TENM2: variants seen among roughly 807,000 people sequenced by gnomAD.
TENM2 encodes teneurin transmembrane protein 2.
A neutral mutation model predicts 245.2 loss-of-function variants in TENM2; 52 were observed. That is an observed-to-expected ratio of 0.21 (90% CI 0.17 to 0.27). TENM2 has a LOEUF of 0.27. Among genes scored for constraint, TENM2 ranks in the 10% least tolerant of loss-of-function variants. TENM2 has a pLI of 1.00. For synonymous variants in TENM2, 1,363 were observed against 1,438.9 expected, an observed-to-expected ratio of 0.95 and a Z score of 1.19; for missense variants, 3,046 against 3,666.8, an observed-to-expected ratio of 0.83 and a Z score of 4.37.
At chr5:168,205,719 G>T (rs1762299868) in intron 19 of TENM2, among the ~76,000 whole-genome samples, 1 of 152,150 alleles carries the variant, frequency 6.6e-6, no homozygotes, top group African/African-American at 2.4e-5. Flanking sequence ...CTCAGGGAAG[G>T]GTACCTCAAT....
rs1189488684 is a variant in TENM2, at chr5:167,778,967, T to C, written c.503-97019T>C. Among the ~76,000 whole-genome samples, 3 of 152,348 alleles carry C rather than the reference T, an allele frequency of 2.0e-5. No homozygotes were observed. The East Asian group carries it at 5.8e-4, about 29-fold the overall frequency. ...TCTCTACTTAGCCCTTGGCTAATGG[T>C]GTAAGCAGCATTAACGCATATCAGG... On this transcript the variant is annotated intron_variant, in intron 2 of 28. Coordinates refer to ENST00000518659, the Ensembl canonical transcript of TENM2.
chr5:167,695,429 A>G (rs988178110), intron 2 of TENM2, among the ~76,000 whole-genome samples: 1 of 152,138 alleles, frequency 6.6e-6, no homozygotes, highest in Non-Finnish European at 1.5e-5. Flanking sequence ...TTTAGCCATT[A>G]AAAAAATATA....
intron 13 of TENM2, among the ~76,000 whole-genome samples, chr5:168,189,521 A>G (rs74709618): frequency 0.029 from 4,367 of 152,136 alleles, 183 homozygotes; most frequent in African/African-American, 0.098. Flanking sequence ...GTGCATAATA[A>G]TGTTCCGAGT....
At chr5:167,121,050 T>C in the TENM2 span, among the ~76,000 whole-genome samples, 1 of 151,980 alleles carries the variant, frequency 6.6e-6, no homozygotes, top group African/African-American at 2.4e-5. Flanking sequence ...GTGACTTAAC[T>C]CTCGGTGGCA....
At chr5:167,301,426 TGGA>T (rs888065706) in intron 1 of TENM2, among the ~76,000 whole-genome samples, 2 of 152,164 alleles carry the variant, frequency 1.3e-5, no homozygotes, top group Non-Finnish European at 2.9e-5. Flanking sequence ...TCTTGTGTGC[TGGA>T]GATGTGGCTG....
chr5:168,058,954 G>A (rs1042701726), intron 6 of TENM2, among the ~76,000 whole-genome samples: 1 of 152,166 alleles, frequency 6.6e-6, no homozygotes, highest in African/African-American at 2.4e-5. Context: ...GAGAGGTTAA[G>A]CAAATTGCTA....
rs372917478 is a variant in TENM2 at position 168,218,358 on chromosome 5, C to A, written c.4467C>A (p.Tyr1489Ter). The A allele has an allele frequency of 6.2e-7, 1 of 1,613,944 alleles. No individual in the cohort carries two copies. ...CCATTTCTCACACTGGGGTCCTCTA[C>A]ATCACTGAGACAGATGAGAAGAAGA... Residue 1489 changes from tyrosine (Y) to a stop codon, truncating the protein, a stop_gained, in exon 23 of 29, where the codon TAC becomes TAA. Coordinates refer to ENST00000518659, the Ensembl canonical transcript of TENM2. LOFTEE classifies it high-confidence loss of function. This position sits in a 1 kb window ranked among gnomAD's most constrained non-coding sequence, Gnocchi z 5.2.
At chr5:167,086,893 G>A in the TENM2 span, among the ~76,000 whole-genome samples, 12 of 150,682 alleles carry the variant, frequency 8.0e-5, no homozygotes, top group African/African-American at 2.7e-4. Context: ...TGTTGGCTGT[G>A]TTTTAATATC....
At chr5:167,556,029 C>T (rs1038906468) in intron 2 of TENM2, among the ~76,000 whole-genome samples, 3 of 152,030 alleles carry the variant, frequency 2.0e-5, no homozygotes, top group Admixed American at 6.6e-5. Context: ...AAATAAAATG[C>T]CCTTATTAAA....
intron 7 of TENM2, among the ~76,000 whole-genome samples, chr5:168,086,790 T>C (rs1369448734): frequency 6.6e-6 from 1 of 152,158 alleles, no homozygotes; most frequent in African/African-American, 2.4e-5. Flanking sequence ...GAGCCAGATG[T>C]CCCCAATACT....
intron 5 of TENM2, among the ~76,000 whole-genome samples, chr5:168,008,295 G>A (rs1046576919): frequency 3.9e-5 from 6 of 152,248 alleles, no homozygotes; most frequent in African/African-American, 7.2e-5. Context: ...GGAGAGGGAC[G>A]CCTGCTAAGA....
chr5:167,039,583 G>C, the TENM2 span, among the ~76,000 whole-genome samples: 6 of 148,924 alleles, frequency 4.0e-5, no homozygotes, highest in Non-Finnish European at 7.4e-5. Context: ...TTTCCTTTCT[G>C]GTTGTGGTAG....
At chr5:167,357,300 C>T (rs200456556) in intron 1 of TENM2, among the ~76,000 whole-genome samples, 19 of 139,994 alleles carry the variant, frequency 1.4e-4, no homozygotes, top group South Asian at 4.5e-4. Flanking sequence ...GCCATCCTTT[C>T]TTTTTTTTTT....
rs569686543 is a variant in TENM2, at chr5:168,168,630, C to A, written c.2569+5873C>A. Among the ~76,000 whole-genome samples the A allele has an allele frequency of 2.9e-4, 43 of 147,690 alleles. No homozygotes were observed. In the South Asian group the frequency reaches 3.4e-3, roughly 12 times the overall value. On this transcript the variant is annotated intron_variant, in intron 13 of 28. Transcript: ENST00000518659. ...TCAGGAAGTTGAGGCTGCAGTAAGC[C>A]GTGATTGTGCTATTACACTCCAGCC...
chr5:167,466,213 T>G (rs960879890), intron 2 of TENM2, among the ~76,000 whole-genome samples: 11 of 152,214 alleles, frequency 7.2e-5, no homozygotes, highest in African/African-American at 2.7e-4. Flanking sequence ...GCTATTTCAA[T>G]GTCCAGAGAT....
Position 167,570,456 on chromosome 5 carries a change from C to G in TENM2, c.502+194983C>G, listed in dbSNP as rs1044795879. ...GTGTCACGACAGTTGGGAGAAGTGT[C>G]ACAATGAACAAGGCACTAATAGAAA... On this transcript the variant is annotated intron_variant, in intron 2 of 28. Coordinates refer to ENST00000518659, the Ensembl canonical transcript of TENM2. Among the ~76,000 whole-genome samples the G allele has an allele frequency of 1.3e-4, 20 of 151,748 alleles. 1 individual carries two copies. Among genetic ancestry groups the G allele is most frequent in the East Asian group, 7.7e-4 (4 of 5,168 alleles).
chr5:167,051,573 G>T, the TENM2 span, among the ~76,000 whole-genome samples: 1 of 152,206 alleles, frequency 6.6e-6, no homozygotes, highest in Middle Eastern at 3.4e-3. Flanking sequence ...AACTCTATTC[G>T]CATTCTCTTT....
intron 2 of TENM2, among the ~76,000 whole-genome samples, chr5:167,864,825 G>T (rs1372651413): frequency 6.6e-6 from 1 of 152,166 alleles, no homozygotes; most frequent in African/African-American, 2.4e-5. Flanking sequence ...TATATGTAAA[G>T]GGCTTGGAAA....
At chr5:168,208,454 G>C (rs982770322) in intron 19 of TENM2, among the ~76,000 whole-genome samples, 3 of 152,178 alleles carry the variant, frequency 2.0e-5, no homozygotes, top group East Asian at 1.9e-4. Flanking sequence ...AGTACCGGGC[G>C]GGGGGAAAGT....
Sources: gnomAD v4.1 joint callset for allele counts (sites outside exome capture counted in the v4.1 genomes callset) on GRCh38, gnomAD v4.1.1 for gene constraint, Gnocchi (gnomAD v3.1) non-coding constraint, MANE v1.5 for transcripts, NCBI Gene and HGNC (gene_info 2026-07-23, HGNC 2026-07-21) for gene names.